CIT: variants seen among roughly 807,000 people sequenced by gnomAD.
The protein encoded by CIT is citron Rho-interacting kinase.
Under a neutral mutation model 272.7 loss-of-function variants are expected in CIT, and 79 were observed. That is an observed-to-expected ratio of 0.29 (90% confidence interval 0.24 to 0.35). CIT has a LOEUF of 0.35. Among genes scored for constraint, CIT ranks in the 10% least tolerant of loss-of-function variants. The pLI, the probability that CIT is intolerant of heterozygous loss-of-function variation, is 1.00. For missense variants in CIT, 1,909 were observed against 2,618.3 expected, an observed-to-expected ratio of 0.73 and a Z score of 5.91; for synonymous variants, 948 against 995.6, an observed-to-expected ratio of 0.95 and a Z score of 0.90.
chr12:119,781,220 G>A (rs549703089), intron 13 of CIT, among the ~76,000 whole-genome samples: 1 of 152,322 alleles, frequency 6.6e-6, no homozygotes, highest in Non-Finnish European at 1.5e-5. Flanking sequence ...GCATTATTCA[G>A]AGATCTGATG....
chr12:119,742,536 T>C lies in CIT; in HGVS notation c.2905-72A>G, dbSNP rs370307589. On this transcript the variant is annotated intron_variant, in intron 23 of 47. Coordinates refer to ENST00000392521, the MANE Select transcript of CIT (RefSeq NM_001206999.2). ...AATTCTACATGCTACGGGTCAAATA[T>C]AGAGAATAGCAATTTGCCTGGAAAG... The C allele has an allele frequency of 6.0e-5, 70 of 1,172,998 alleles. 1 individual carries two copies. The African/African-American group carries it at 8.9e-4, about 15-fold the overall frequency. The allele number at this position is 1,172,998 out of a possible 1,614,324, so 72.7% of individuals were successfully genotyped here.
intron 2 of CIT, among the ~76,000 whole-genome samples, chr12:119,875,493 C>T (rs192914966): frequency 2.6e-5 from 4 of 152,234 alleles, no homozygotes; most frequent in African/African-American, 9.6e-5. Flanking sequence ...CCTATAACCC[C>T]AGTGCTTTGG....
rs1457128086 is a variant in CIT at position 119,690,989 on chromosome 12, T to C, written c.5883-535A>G. 1.3e-5 allele frequency among the ~76,000 whole-genome samples: 2 copies of C among 152,096 alleles called. No homozygotes were observed. Among genetic ancestry groups the C allele is most frequent in the East Asian group, 1.9e-4 (1 of 5,176 alleles). On this transcript the variant is annotated intron_variant, in intron 46 of 47. Transcript: ENST00000392521. The surrounding 1 kb of genome is among the most constrained non-coding windows in gnomAD (Gnocchi z 6.0). The stretch of plus-strand genomic sequence containing the variant: ...GAGATCGAGGCCAGCCTGGCCAACA[T>C]GGTGAAACCCCGTCTCTACTAAAAA...
chr12:119,848,227 A>G (rs1037016975), intron 5 of CIT, among the ~76,000 whole-genome samples: 2 of 152,266 alleles, frequency 1.3e-5, no homozygotes, highest in African/African-American at 4.8e-5. Context: ...TCAGAGGACA[A>G]GGAAAACTTC....
intron 6 of CIT, 60 bp downstream of exon 6, chr12:119,834,026 G>T (rs888102291): frequency 5.3e-6 from 8 of 1,496,672 alleles, no homozygotes; most frequent in South Asian, 1.3e-5. Context: ...TTCCATGCAG[G>T]AACTCTTATG....
At chr12:119,786,113 A>G (rs1318720929) in intron 10 of CIT, among the ~76,000 whole-genome samples, 1 of 151,640 alleles carries the variant, frequency 6.6e-6, no homozygotes, top group Non-Finnish European at 1.5e-5. Flanking sequence ...CCCCACAGCA[A>G]CTCTATGAGC....
chr12:119,862,831 A>G lies in CIT; in HGVS notation c.239-5133T>C, dbSNP rs1171542120. On this transcript the variant is annotated intron_variant, in intron 3 of 47. Transcript: ENST00000392521. ...CCTAAAAAAAAAAAAAAAAAAAAAAAAAAAAAAAAGAAAAAACCAAAAAAA... is the reference window on the plus strand; with the variant it reads ...CCTAAAAAAAAAAAAAAAAAAAAAAGAAAAAAAAAGAAAAAACCAAAAAAA... Among the ~76,000 whole-genome samples, 40 of 137,978 alleles carry G rather than the reference A, an allele frequency of 2.9e-4. 1 individual carries two copies. The highest frequency in any genetic ancestry group is 1.2e-3 in the African/African-American group (40 of 34,054). 90.5% of individuals were successfully genotyped at this position (137,978 alleles called of 152,430 possible).
chr12:119,806,144 A>AAAAAAC, intron 9 of CIT, among the ~76,000 whole-genome samples: 1 of 150,802 alleles, frequency 6.6e-6, no homozygotes, highest in African/African-American at 2.4e-5. Flanking sequence ...TCTCAAAAAA[A>AAAAAAC]AAAAAAAAAA....
Position 119,718,662 on chromosome 12 carries a change from C to T in CIT, c.4003+37G>A, listed in dbSNP as rs1442069279. ...ACTGAGATCAATCCTCTGCCTTTTC[C>T]ACATCCTTGAGCATTTTGGAGAGAG... On this transcript the variant is annotated intron_variant, in intron 31 of 47. Coordinates refer to ENST00000392521, the MANE Select transcript of CIT (RefSeq NM_001206999.2). This position sits in a 1 kb window ranked among gnomAD's most constrained non-coding sequence, Gnocchi z 4.8. 6.2e-7 allele frequency: 1 copy of T among 1,610,696 alleles called. No individual in the cohort carries two copies. Among genetic ancestry groups the T allele is most frequent in the South Asian group, 1.1e-5 (1 of 90,944 alleles).
chr12:119,849,847 G>A (rs188109415), intron 5 of CIT, among the ~76,000 whole-genome samples: 429 of 152,072 alleles, frequency 2.8e-3, no homozygotes, highest in African/African-American at 7.1e-3. Context: ...CACCATGCCC[G>A]GCTAATTTTT....
At position 119,697,300 on chromosome 12, in the gene CIT, A is replaced by G. The variant is rs1248315648; in HGVS notation, c.5882+359T>C. On this transcript the variant is annotated intron_variant, in intron 46 of 47. Coordinates refer to ENST00000392521, the MANE Select transcript of CIT (RefSeq NM_001206999.2). This position sits in a 1 kb window ranked among gnomAD's most constrained non-coding sequence, Gnocchi z 4.9. ...CTGTGAGTGCCATCAGGGAGGGGCT[A>G]CATCTGCTTTATTCACCATTCTCCC... 6.6e-6 allele frequency among the ~76,000 whole-genome samples: 1 copy of G among 152,146 alleles called. No individual in the cohort carries two copies. Among genetic ancestry groups the G allele is most frequent in the African/African-American group, 2.4e-5 (1 of 41,430 alleles).
In CIT at chr12:119,825,358, T is replaced by C. The variant is rs761412263; in HGVS notation, c.764A>G (p.Lys255Arg). 6.2e-7 allele frequency: 1 copy of C among 1,613,930 alleles called. No individual in the cohort carries two copies. Among genetic ancestry groups the C allele is most frequent in the Non-Finnish European group, 8.5e-7 (1 of 1,179,962 alleles). ...KMNSNKMVNA[K>R]LPIGTPDYMA... The stretch of plus-strand genomic sequence containing the variant: ...GTAATCTGGGGTCCCAATCGGGAGT[T>C]TGGCATTCACCTAGAATCCCATCAA... Residue 255 changes from lysine (K) to arginine (R), a missense_variant, in exon 8 of 48, where the codon AAA (lysine) becomes AGA (arginine). This residue lies in a region of CIT where 529 missense variants were observed against 549.6 expected (regional missense o/e 0.96). Transcript: ENST00000392521.
intron 9 of CIT, among the ~76,000 whole-genome samples, chr12:119,817,637 G>A (rs979031885): frequency 2.0e-5 from 3 of 152,128 alleles, no homozygotes; most frequent in Admixed American, 6.5e-5. Context: ...CAAAAGACCG[G>A]TTAGGCTCTT....
rs757752860 is a variant in CIT at position 119,758,602 on chromosome 12, G to T, written c.2520C>A (p.Thr840=). 5 of 1,606,352 alleles carry T rather than the reference G, an allele frequency of 3.1e-6. No homozygotes were observed. In the Admixed American group the frequency reaches 6.7e-5, roughly 21 times the overall value. Residue 840 remains threonine (T), a synonymous_variant, in exon 21 of 48, where the codon ACC becomes ACA. Transcript: ENST00000392521. ...NKLAANSSLF[T]QRNMKAQEEM... is the part of the protein sequence containing the mutation. ...ATTTGAATACTTACATGTTCCTTTG[G>T]GTAAAAAGACTGCTATTTGCTGCAA...
chr12:119,708,496 A>T lies in CIT; in HGVS notation c.5072-178T>A, dbSNP rs188358766. Among the ~76,000 whole-genome samples the T allele has an allele frequency of 0.04, 6,058 of 150,902 alleles. 160 individuals carry two copies. The highest frequency in any genetic ancestry group is 0.089 in the Middle Eastern group (26 of 292). Reference sequence around the variant, plus strand: ...CATGATTTATTTATTTTTTTTTTTTAAATTTTTGAGACAGAGTCTTGCTCT... The same window carrying T: ...CATGATTTATTTATTTTTTTTTTTTTAATTTTTGAGACAGAGTCTTGCTCT... On this transcript the variant is annotated intron_variant, in intron 39 of 47. Transcript: ENST00000392521.
intron 13 of CIT, among the ~76,000 whole-genome samples, chr12:119,778,646 C>T (rs929811765): frequency 6.6e-6 from 1 of 151,986 alleles, no homozygotes; most frequent in Non-Finnish European, 1.5e-5. Flanking sequence ...GGTGACGCCC[C>T]CCCCCCAGAG....
At chr12:119,846,872 CAG>C (rs1301717699) in intron 5 of CIT, among the ~76,000 whole-genome samples, 1 of 148,654 alleles carries the variant, frequency 6.7e-6, no homozygotes, top group Non-Finnish European at 1.5e-5. Context: ...GCCACTGCAA[CAG>C]AGACATCATC....
chr12:119,784,967 C>A lies in CIT; in HGVS notation c.1394G>T (p.Cys465Phe). Residue 465 changes from cysteine to phenylalanine, a missense_variant, in exon 11 of 48, where the codon TGT (cysteine) becomes TTT (phenylalanine). By Grantham distance (205) the Cys-to-Phe change is radical. Around this residue, in one of 8 missense-constraint regions of CIT, gnomAD observed 26 missense variants for 44.1 expected, o/e 0.59. Coordinates refer to ENST00000392521, the MANE Select transcript of CIT (RefSeq NM_001206999.2). The surrounding 1 kb of genome is among the most constrained non-coding windows in gnomAD (Gnocchi z 4.7). ...SKELQDSQDK[C>F]HKMEQEMTRL... Reference sequence around the variant, plus strand: ...GGCTGCGGAAATAAATACCTTGTGACACTTGTCCTGAGAGTCTTGTAGCTC... The same window carrying A: ...GGCTGCGGAAATAAATACCTTGTGAAACTTGTCCTGAGAGTCTTGTAGCTC... 5 of 1,614,178 alleles carry A rather than the reference C, an allele frequency of 3.1e-6. No homozygotes were observed. The highest frequency in any genetic ancestry group is 4.2e-6 in the Non-Finnish European group (5 of 1,180,030).
intron 5 of CIT, 38 bp from the exon 6 acceptor site, chr12:119,834,266 C>T: frequency 6.5e-7 from 1 of 1,538,668 alleles, no homozygotes; most frequent in Non-Finnish European, 8.8e-7. Flanking sequence ...CTTCACACAC[C>T]CAAAAATAGG....
Sources: gnomAD v4.1 joint callset for allele counts (sites outside exome capture counted in the v4.1 genomes callset) on GRCh38, gnomAD v4.1.1 for gene constraint, gnomAD v4.1.1 regional missense constraint, Gnocchi (gnomAD v3.1) non-coding constraint, MANE v1.5 for transcripts, NCBI Gene and HGNC (gene_info 2026-07-23, HGNC 2026-07-21) for gene names.